The following CFAP54 variants were observed in gnomAD, a reference collection of about 807,000 sequenced individuals.
CFAP54 encodes the protein cilia- and flagella-associated protein 54.
Under a neutral mutation model 370.4 loss-of-function variants are expected in CFAP54, and 290 were observed. The ratio of observed to expected loss-of-function variants is 0.78; its 90% confidence interval spans 0.71 to 0.86. The LOEUF (loss-of-function observed/expected upper bound fraction) is 0.86. CFAP54 is among the 40% of genes least tolerant of loss of function. The probability of loss-of-function intolerance (pLI) is 0.00; values close to 1 mark genes in which losing one functional copy is unlikely to be tolerated. For synonymous variants in CFAP54, 1,206 were observed against 1,236.5 expected, an observed-to-expected ratio of 0.98 and a Z score of 0.52; for missense variants, 3,399 against 3,528.7, an observed-to-expected ratio of 0.96 and a Z score of 0.93.
chr12:96,686,918 T>C (rs916540178), intron 42 of CFAP54, among the ~76,000 whole-genome samples: 1 of 152,096 alleles, frequency 6.6e-6, no homozygotes, highest in Non-Finnish European at 1.5e-5. Flanking sequence ...ACAAAACAGG[T>C]TTATTATTTT....
intron 47 of CFAP54, among the ~76,000 whole-genome samples, chr12:96,706,961 G>A (rs1957553575): frequency 2.0e-5 from 3 of 152,126 alleles, no homozygotes; most frequent in Admixed American, 1.3e-4. Context: ...CGAAAAAGTT[G>A]TGATTTCATC....
At chr12:96,860,510 T>A (rs1428633225) in intron 66 of CFAP54, among the ~76,000 whole-genome samples, 1 of 152,180 alleles carries the variant, frequency 6.6e-6, no homozygotes, top group East Asian at 1.9e-4. Flanking sequence ...TGCCAACTGG[T>A]CAATCTGTTA....
chr12:96,874,612 CTTTTTTTTATTTTTATTTTATTT>C lies in CFAP54; in HGVS notation c.*15-497_*15-475del, dbSNP rs1325835534. 1.8e-3 allele frequency among the ~76,000 whole-genome samples: 73 copies of C among 40,074 alleles called. 11 individuals are homozygous for C. Among genetic ancestry groups the C allele is most frequent in the South Asian group, 6.7e-3 (7 of 1,040 alleles). 26.3% of individuals were successfully genotyped at this position (40,074 alleles called of 152,430 possible). On this transcript the variant is annotated intron_variant, in intron 67 of 67. Coordinates refer to ENST00000524981, the MANE Select transcript of CFAP54 (RefSeq NM_001306084.2). ...GTTCTGTTCTGTTTTGGGATCTCTGCTTTTTTTTATTTTTATTTTATTTTTTTTTTTTTTTGAGACGGAGTCTC... is the reference window on the plus strand; with the variant it reads ...GTTCTGTTCTGTTTTGGGATCTCTGCTTTTTTTTTTTTGAGACGGAGTCTC...
In CFAP54 at chr12:96,630,598, A is replaced by G; in HGVS notation, c.4263A>G (p.Leu1421=). ...QRIRSKKKET[L]RDFIFKNPAI... ...TAAGAAGTAAAAAAAAGGAAACTCTAAGAGATTTCATTTTTAAAAATCCGG... is the reference window on the plus strand; with the variant it reads ...TAAGAAGTAAAAAAAAGGAAACTCTGAGAGATTTCATTTTTAAAAATCCGG... Residue 1421 remains leucine, a synonymous_variant, in exon 32 of 68, where the codon CTA becomes CTG. Coordinates refer to ENST00000524981, the MANE Select transcript of CFAP54 (RefSeq NM_001306084.2). 2 of 1,509,436 alleles carry G rather than the reference A, an allele frequency of 1.3e-6. No homozygotes were observed. Among genetic ancestry groups the G allele is most frequent in the Non-Finnish European group, 1.8e-6 (2 of 1,134,132 alleles). The allele number at this position is 1,509,436 out of a possible 1,614,324, so 93.5% of individuals were successfully genotyped here. A position where few individuals can be genotyped will look rare whatever the true frequency, so the allele number is the denominator to read the frequency against.
At chr12:96,836,937 C>T (rs755329491) in intron 66 of CFAP54, among the ~76,000 whole-genome samples, 36 of 152,108 alleles carry the variant, frequency 2.4e-4, no homozygotes, top group Non-Finnish European at 4.9e-4. Flanking sequence ...AAGCAATTCT[C>T]CTGCCTCAGT....
chr12:96,821,559 A>G (rs1018132054), intron 65 of CFAP54, among the ~76,000 whole-genome samples: 6 of 152,156 alleles, frequency 3.9e-5, no homozygotes, highest in African/African-American at 7.2e-5. Context: ...AGTTCTATAT[A>G]TGGAAGAATA....
intron 2 of CFAP54, among the ~76,000 whole-genome samples, chr12:96,502,610 A>G (rs373555593): frequency 6.6e-6 from 1 of 152,158 alleles, no homozygotes; most frequent in African/African-American, 2.4e-5. Context: ...AAATTTAAAC[A>G]AAACAGTGTT....
chr12:96,640,520 A>G (rs945003992), intron 32 of CFAP54, among the ~76,000 whole-genome samples: 8 of 152,212 alleles, frequency 5.3e-5, no homozygotes, highest in African/African-American at 1.4e-4. Flanking sequence ...TTATAGATTC[A>G]ATGCCATCCC....
At chr12:96,784,615 C>A in intron 60 of CFAP54, 102 bp from the exon 61 acceptor site, 1 of 857,306 alleles carries the variant, frequency 1.2e-6, no homozygotes, top group Non-Finnish European at 1.7e-6. Flanking sequence ...TATCATGTGT[C>A]AGCATTTCCT....
intron 1 of CFAP54, among the ~76,000 whole-genome samples, chr12:96,490,253 T>C (rs879468025): frequency 1.3e-5 from 2 of 152,174 alleles, no homozygotes; most frequent in Non-Finnish European, 2.9e-5. Context: ...AGTTCGCAGT[T>C]TGCAGTAATA....
chr12:96,828,072 TTATATATTA>T lies in CFAP54; in HGVS notation c.9097-931_9097-923del, dbSNP rs566996133. On this transcript the variant is annotated intron_variant, in intron 65 of 67. Coordinates refer to ENST00000524981, the MANE Select transcript of CFAP54 (RefSeq NM_001306084.2). ...ATATTAATATATTATTAATATATAA[TTATATATTA>T]TATATATTATCAGAAAAGCAAATTT... Among the ~76,000 whole-genome samples the T allele has an allele frequency of 3.9e-3, 503 of 130,430 alleles. 7 individuals are homozygous for T. Among genetic ancestry groups the T allele is most frequent in the Middle Eastern group, 0.011 (3 of 276 alleles). The allele number at this position is 130,430 out of a possible 152,430, so 85.6% of individuals were successfully genotyped here.
intron 34 of CFAP54, among the ~76,000 whole-genome samples, chr12:96,649,489 G>A (rs562407953): frequency 6.6e-6 from 1 of 152,302 alleles, no homozygotes; most frequent in East Asian, 1.9e-4. Context: ...GGCCGAGGTT[G>A]CTGCATTGCC....
chr12:96,725,227 C>G (rs28810182), intron 50 of CFAP54, among the ~76,000 whole-genome samples: 12 of 151,312 alleles, frequency 7.9e-5, no homozygotes, highest in East Asian at 7.7e-4. Flanking sequence ...TCATTGGTAG[C>G]TTGATGGGGA....
At chr12:96,591,924 G>A (rs1208777938) in intron 23 of CFAP54, among the ~76,000 whole-genome samples, 8 of 134,956 alleles carry the variant, frequency 5.9e-5, no homozygotes, top group African/African-American at 1.2e-4. Flanking sequence ...TTTTTTTTTT[G>A]TGGGGAATGT....
Position 96,512,982 on chromosome 12 carries a change from C to T in CFAP54, c.740-4C>T. Reference sequence around the variant, plus strand: ...ACATGTTAACAATCGTTTTCTCCATCCAGGTACCATTTATATTTACACCAT... The same window carrying T: ...ACATGTTAACAATCGTTTTCTCCATTCAGGTACCATTTATATTTACACCAT... On this transcript the variant is annotated splice_polypyrimidine_tract_variant and splice_region_variant and intron_variant, in intron 4 of 67. Transcript: ENST00000524981. The T allele has an allele frequency of 6.6e-7, 1 of 1,511,980 alleles. No homozygotes were observed. Among genetic ancestry groups the T allele is most frequent in the East Asian group, 2.5e-5 (1 of 40,162 alleles). The allele number at this position is 1,511,980 out of a possible 1,614,324, so 93.7% of individuals were successfully genotyped here.
intron 65 of CFAP54, among the ~76,000 whole-genome samples, chr12:96,822,230 G>A (rs969574305): frequency 2.0e-5 from 3 of 151,968 alleles, no homozygotes; most frequent in Non-Finnish European, 4.4e-5. Flanking sequence ...CCTGTCAGGT[G>A]TTCTAAAGCA....
intron 50 of CFAP54, among the ~76,000 whole-genome samples, chr12:96,735,412 C>T (rs185004004): frequency 6.6e-6 from 1 of 152,254 alleles, no homozygotes; most frequent in African/African-American, 2.4e-5. Context: ...ATCCAAAAAC[C>T]TCGGCAGATA....
chr12:96,821,260 G>GTT (rs1959030413), intron 65 of CFAP54, among the ~76,000 whole-genome samples: 1 of 152,134 alleles, frequency 6.6e-6, no homozygotes, highest in African/African-American at 2.4e-5. Flanking sequence ...TCAAGAGGTT[G>GTT]ACTATAAATA....
intron 32 of CFAP54, among the ~76,000 whole-genome samples, chr12:96,642,160 C>G (rs1274996499): frequency 6.6e-6 from 1 of 151,380 alleles, no homozygotes. Context: ...TATTTTAATT[C>G]TCAAATTGCT....
Sources: allele counts gnomAD v4.1 joint callset (sites outside exome capture counted in the v4.1 genomes callset), GRCh38; gene constraint gnomAD v4.1.1; transcripts MANE v1.5; gene names NCBI Gene and HGNC (gene_info 2026-07-23, HGNC 2026-07-21).